SYN3: variants seen among roughly 807,000 people sequenced by gnomAD.
The protein encoded by SYN3 is synapsin-3.
In SYN3, 35 loss-of-function variants were observed where a neutral mutation model predicts 65.8. That is an observed-to-expected ratio of 0.53 (90% CI 0.41 to 0.70). SYN3 has a LOEUF of 0.70. SYN3 is among the 30% of genes least tolerant of loss of function. The pLI, the probability that SYN3 is intolerant of heterozygous loss-of-function variation, is 0.00. For synonymous variants in SYN3, 270 were observed against 292.9 expected, an observed-to-expected ratio of 0.92 and a Z score of 0.80; for missense variants, 680 against 749.0, an observed-to-expected ratio of 0.91 and a Z score of 1.08.
chr22:32,925,678 G>C (rs529119083), intron 4 of SYN3, among the ~76,000 whole-genome samples: 41 of 152,184 alleles, frequency 2.7e-4, no homozygotes, highest in African/African-American at 9.9e-4. Flanking sequence ...AGAACAATCT[G>C]GGGATGTTTC....
intron 6 of SYN3, among the ~76,000 whole-genome samples, chr22:32,791,108 C>T (rs2046314842): frequency 6.6e-6 from 1 of 152,114 alleles, no homozygotes; most frequent in Non-Finnish European, 1.5e-5. Flanking sequence ...GTGTTCTTTT[C>T]CATAAAATGG....
chr22:32,850,768 ATCTG>A (rs1472281641), intron 6 of SYN3, among the ~76,000 whole-genome samples: 1 of 152,102 alleles, frequency 6.6e-6, no homozygotes, highest in East Asian at 1.9e-4. Context: ...GTGAATGCTT[ATCTG>A]TCTAATACGG....
chr22:33,004,858 G>C (rs534658234), intron 2 of SYN3, among the ~76,000 whole-genome samples: 1 of 152,254 alleles, frequency 6.6e-6, no homozygotes, highest in Non-Finnish European at 1.5e-5. Context: ...GATATGGTTT[G>C]GCTGTGTACC....
At chr22:32,540,105 C>T (rs2058229550) in intron 8 of SYN3, among the ~76,000 whole-genome samples, 1 of 152,216 alleles carries the variant, frequency 6.6e-6, no homozygotes, top group South Asian at 2.1e-4. Context: ...TCCAGTTTCA[C>T]AAGCAATGAC....
intron 4 of SYN3, among the ~76,000 whole-genome samples, chr22:32,911,870 C>T (rs1390467102): frequency 6.6e-6 from 1 of 152,164 alleles, no homozygotes; most frequent in African/African-American, 2.4e-5. Flanking sequence ...CCAACACCCA[C>T]TCCGACGTCA....
chr22:32,662,616 G>A (rs5749481), intron 6 of SYN3, among the ~76,000 whole-genome samples: 40,285 of 152,074 alleles, frequency 0.26, 7,221 homozygotes, highest in East Asian at 0.72. Context: ...TAAAATGGGG[G>A]TAATAAAAAT....
intron 8 of SYN3, 76 bp from the exon 9 acceptor site, chr22:32,538,186 T>A: frequency 7.4e-7 from 1 of 1,347,804 alleles, no homozygotes; most frequent in African/African-American, 1.4e-5. Flanking sequence ...TTGCTTTGGC[T>A]GTTAGGAGGC....
chr22:32,571,098 C>T (rs1419860392), intron 7 of SYN3, among the ~76,000 whole-genome samples: 2 of 152,148 alleles, frequency 1.3e-5, no homozygotes, highest in Non-Finnish European at 2.9e-5. Flanking sequence ...TAAATCATGA[C>T]CACAGTCCAC....
intron 6 of SYN3, among the ~76,000 whole-genome samples, chr22:32,754,462 A>T (rs935021711): frequency 1.1e-4 from 9 of 82,368 alleles, no homozygotes; most frequent in Admixed American, 3.7e-4. Context: ...TCTTTCTTTT[A>T]AAAAAAAGGA....
At chr22:32,793,148 T>C (rs1360438752) in intron 6 of SYN3, among the ~76,000 whole-genome samples, 1 of 152,198 alleles carries the variant, frequency 6.6e-6, no homozygotes, top group Non-Finnish European at 1.5e-5. Flanking sequence ...TTTTTCAGCT[T>C]ATCATTCCAA....
At chr22:32,828,793 C>T (rs80272) in intron 6 of SYN3, among the ~76,000 whole-genome samples, 130,839 of 152,166 alleles carry the variant, frequency 0.86, 56,293 homozygotes, top group East Asian at 0.89. Flanking sequence ...CTGGACTGAG[C>T]GTTCCCAGAT....
intron 12 of SYN3, among the ~76,000 whole-genome samples, chr22:32,524,578 C>T (rs1286674545): frequency 2.0e-5 from 3 of 152,190 alleles, no homozygotes; most frequent in East Asian, 1.9e-4. Flanking sequence ...TATTACTGCT[C>T]ATTGACAATG....
At chr22:33,044,110 A>G (rs1019521861) in intron 1 of SYN3, among the ~76,000 whole-genome samples, 9 of 151,994 alleles carry the variant, frequency 5.9e-5, no homozygotes, top group Non-Finnish European at 1.3e-4. Flanking sequence ...GCAACAACCT[A>G]GCAGTTAGGC....
At position 32,665,489 on chromosome 22, in the gene SYN3, G is replaced by GTATATATATATATATA. The variant is rs130731; in HGVS notation, c.712-68769_712-68754dup. ...GGCTGAGTAGTATGCCACAGTGTGT[G>GTATATATATATATATA]TATATATATATATATATATATGTCT... On this transcript the variant is annotated intron_variant, in intron 6 of 13. Coordinates refer to ENST00000358763, the MANE Select transcript of SYN3 (RefSeq NM_003490.4). Among the ~76,000 whole-genome samples the GTATATATATATATATA allele has an allele frequency of 3.5e-5, 5 of 141,416 alleles. No individual in the cohort carries two copies. The East Asian group carries it at 8.1e-4, about 23-fold the overall frequency. The allele number at this position is 141,416 out of a possible 152,430, so 92.8% of individuals were successfully genotyped here. A position where few individuals can be genotyped will look rare whatever the true frequency, so the allele number is the denominator to read the frequency against.
chr22:32,858,213 C>T, intron 6 of SYN3: 1 of 1,592,092 alleles, frequency 6.3e-7, no homozygotes, highest in South Asian at 1.1e-5. Context: ...TCCCAATGCA[C>T]TGGGTGCCAG....
intron 10 of SYN3, among the ~76,000 whole-genome samples, chr22:32,532,353 C>T (rs148863947): frequency 2.3e-3 from 356 of 152,344 alleles, no homozygotes; most frequent in African/African-American, 8.1e-3. Context: ...TCCCAGAAGG[C>T]GAGGGACCGG....
intron 2 of SYN3, among the ~76,000 whole-genome samples, chr22:32,990,323 TCCATCCATCCATCCATCCATCCAC>T (rs1363212611): frequency 6.6e-6 from 1 of 150,616 alleles, no homozygotes; most frequent in Admixed American, 6.6e-5. Context: ...CATCCATCCA[TCCATCCATCCATCCATCCATCCAC>T]CCATCCATCC....
intron 6 of SYN3, among the ~76,000 whole-genome samples, chr22:32,733,496 C>G (rs1260770439): frequency 6.6e-6 from 1 of 152,198 alleles, no homozygotes; most frequent in Non-Finnish European, 1.5e-5. Flanking sequence ...CTCTGGCTGT[C>G]TGAGCCCAGG....
intron 1 of SYN3, among the ~76,000 whole-genome samples, chr22:33,053,503 C>A (rs1383458145): frequency 2.6e-5 from 4 of 152,148 alleles, no homozygotes; most frequent in African/African-American, 9.7e-5. Context: ...ACCTTGCTAC[C>A]CTTTTGAAGC....
Sources: gnomAD v4.1 joint callset for allele counts (sites outside exome capture counted in the v4.1 genomes callset) on GRCh38, gnomAD v4.1.1 for gene constraint, MANE v1.5 for transcripts, NCBI Gene and HGNC (gene_info 2026-07-23, HGNC 2026-07-21) for gene names.